Variants in COG7 observed in about 807,000 individuals in gnomAD.
The protein encoded by COG7 is conserved oligomeric Golgi complex subunit 7.
Under a neutral mutation model 91.5 loss-of-function variants are expected in COG7, and 49 were observed. That is an observed-to-expected ratio of 0.54 (90% CI 0.43 to 0.68). The LOEUF is 0.68. Ranked by LOEUF, COG7 falls within the 30% of genes least tolerant of loss-of-function variation. COG7 has a pLI of 0.00. For missense variants in COG7, 895 were observed against 961.3 expected, an observed-to-expected ratio of 0.93 and a Z score of 0.91; for synonymous variants, 365 against 388.7, an observed-to-expected ratio of 0.94 and a Z score of 0.72.
At chr16:23,418,042 C>A (rs937171659) in intron 8 of COG7, among the ~76,000 whole-genome samples, 1 of 152,182 alleles carries the variant, frequency 6.6e-6, no homozygotes, top group Non-Finnish European at 1.5e-5. Context: ...GCATAGTGAA[C>A]CTGCCCCTGC....
At chr16:23,434,762 G>A (rs748234453) in intron 4 of COG7, 44 bp from the exon 5 acceptor site, 9 of 1,417,110 alleles carry the variant, frequency 6.4e-6, no homozygotes, top group Middle Eastern at 1.8e-4. Flanking sequence ...AGCCTTTCTG[G>A]TGTAGACATG....
chr16:23,389,284 G>A (rs1250955078), intron 16 of COG7, among the ~76,000 whole-genome samples, 198 bp from the exon 17 acceptor site: 1 of 151,986 alleles, frequency 6.6e-6, no homozygotes, highest in East Asian at 1.9e-4. Flanking sequence ...TGTGAGCTTG[G>A]CTCGAGTCTA....
chr16:23,451,329 G>C (rs1420905350), intron 1 of COG7, among the ~76,000 whole-genome samples: 1 of 152,120 alleles, frequency 6.6e-6, no homozygotes, highest in African/African-American at 2.4e-5. Flanking sequence ...AACACACAGT[G>C]AATCAACACA....
chr16:23,447,900 A>AAAAT (rs1158993789), intron 1 of COG7, among the ~76,000 whole-genome samples: 10 of 152,020 alleles, frequency 6.6e-5, no homozygotes, highest in South Asian at 2.1e-4. Context: ...CTCCATCTCA[A>AAAAT]AAATAAATAA....
chr16:23,411,784 C>G (rs1963566538), intron 10 of COG7, among the ~76,000 whole-genome samples: 1 of 151,960 alleles, frequency 6.6e-6, no homozygotes, highest in African/African-American at 2.4e-5. Flanking sequence ...TCAGGTAAGA[C>G]ATGAAAGTGG....
rs768464316 is a variant in COG7 at position 23,433,565 on chromosome 16, G to C, written c.790C>G (p.Gln264Glu). ...GTTACCTGTGTAGCCCACTGGATTTGTGTGTGCCAAGCACCAAGCAAGGCA... is the reference window on the plus strand; with the variant it reads ...GTTACCTGTGTAGCCCACTGGATTTCTGTGTGCCAAGCACCAAGCAAGGCA... ...YDALLGAWHT[Q>E]IQWATQVFQK... Residue 264 changes from glutamine (Q) to glutamate (E), a missense_variant, in exon 6 of 17, where the codon CAA (glutamine) becomes GAA (glutamate). By Grantham distance (29) the Gln-to-Glu change is conservative (BLOSUM62 2). Transcript: ENST00000307149. 3 of 1,614,056 alleles carry C rather than the reference G, an allele frequency of 1.9e-6. No individual in the cohort carries two copies. The highest frequency in any genetic ancestry group is 1.1e-5 in the South Asian group (1 of 91,082).
At chr16:23,451,159 C>T (rs911467297) in intron 1 of COG7, among the ~76,000 whole-genome samples, 1 of 152,168 alleles carries the variant, frequency 6.6e-6, no homozygotes, top group East Asian at 1.9e-4. Flanking sequence ...CGCCACTGCA[C>T]TCCAGCCAGG....
At chr16:23,400,158 A>C (rs1470760712) in intron 13 of COG7, among the ~76,000 whole-genome samples, 3 of 152,220 alleles carry the variant, frequency 2.0e-5, no homozygotes, top group Admixed American at 1.3e-4. Flanking sequence ...GAAGTTGCTA[A>C]AAACAGACAA....
At chr16:23,398,022 G>A in intron 14 of COG7, 24 bp downstream of exon 14, 1 of 1,600,598 alleles carries the variant, frequency 6.2e-7, no homozygotes, top group Non-Finnish European at 8.6e-7. Context: ...GGACCACCCT[G>A]GAGAAGCACA....
At chr16:23,390,240 T>A (rs1393488108) in intron 16 of COG7, 1 of 151,494 alleles carries the variant, frequency 6.6e-6, no homozygotes, top group South Asian at 2.1e-4. Context: ...TTCACTCTTG[T>A]TGCCCAGGCT....
chr16:23,441,517 T>C (rs992760439), intron 4 of COG7, among the ~76,000 whole-genome samples: 4 of 152,048 alleles, frequency 2.6e-5, no homozygotes, highest in East Asian at 1.9e-4. Context: ...AGAGGCTGCA[T>C]TGAGCTGAGG....
intron 10 of COG7, among the ~76,000 whole-genome samples, chr16:23,411,375 A>G (rs1179860100): frequency 6.6e-6 from 1 of 152,244 alleles, no homozygotes; most frequent in African/African-American, 2.4e-5. Flanking sequence ...CATCATAAGA[A>G]AAGTTTATGA....
rs139613440 is a variant in COG7 at position 23,409,994 on chromosome 16, G to A, written c.1475+301C>T. On this transcript the variant is annotated intron_variant, in intron 11 of 16. Transcript: ENST00000307149. The stretch of plus-strand genomic sequence containing the variant: ...ACAACTAATTTATAAACAAGCAGTC[G>A]GAACCAAGCCCATTCCTAATTTGGA... Among the ~76,000 whole-genome samples, 639 of 152,234 alleles carry A rather than the reference G, an allele frequency of 4.2e-3. 2 individuals carry two copies. The highest frequency in any genetic ancestry group is 6.9e-3 in the Non-Finnish European group (469 of 68,010).
intron 6 of COG7, among the ~76,000 whole-genome samples, chr16:23,432,501 G>GA (rs951088031): frequency 1.9e-4 from 28 of 150,984 alleles, no homozygotes; most frequent in Non-Finnish European, 3.4e-4. Context: ...AGGGTTTGGA[G>GA]AAAAAAAATA....
chr16:23,393,671 GTAT>G, intron 14 of COG7: 6 of 347,770 alleles, frequency 1.7e-5, no homozygotes, highest in Non-Finnish European at 5.5e-6. Flanking sequence ...GTAAATATAA[GTAT>G]TATTACTGTT....
Position 23,435,139 on chromosome 16 carries a change from G to A in COG7, c.605-421C>T, listed in dbSNP as rs534418237. ...AGCACTTTGGGAGGCTAAGGCAGGCGGATCACCTGAGGTCAGGAGTTCGAG... is the reference window on the plus strand; with the variant it reads ...AGCACTTTGGGAGGCTAAGGCAGGCAGATCACCTGAGGTCAGGAGTTCGAG... On this transcript the variant is annotated intron_variant, in intron 4 of 16. Transcript: ENST00000307149. Among the ~76,000 whole-genome samples, 14 of 152,268 alleles carry A rather than the reference G, an allele frequency of 9.2e-5. 1 individual carries two copies. The South Asian group carries it at 1.7e-3, about 18-fold the overall frequency.
rs946267340 is a variant in COG7 at position 23,428,048 on chromosome 16, G to T, written c.811-3101C>A. Among the ~76,000 whole-genome samples the T allele has an allele frequency of 2.0e-5, 3 of 152,080 alleles. 1 individual carries two copies. Among genetic ancestry groups the T allele is most frequent in the Non-Finnish European group, 4.4e-5 (3 of 67,998 alleles). On this transcript the variant is annotated intron_variant, in intron 6 of 16. Transcript: ENST00000307149. ...AAAAATTAGCCGGGCATGGCAGCAT[G>T]CACCTGCAGTCCCAGCTACTCCAGA...
chr16:23,416,916 A>T, intron 9 of COG7, 51 bp downstream of exon 9: 1 of 1,610,658 alleles, frequency 6.2e-7, no homozygotes, highest in Non-Finnish European at 8.5e-7. Flanking sequence ...TTTATCTGGG[A>T]CAGACACTGC....
rs1596961478 is a variant in COG7, at chr16:23,449,481, T to C, written c.169+3345A>G. On this transcript the variant is annotated intron_variant, in intron 1 of 16. Coordinates refer to ENST00000307149, the MANE Select transcript of COG7 (RefSeq NM_153603.4). Reference sequence around the variant, plus strand: ...CCCACAGTCCAGGCGCAATAGCTCATGCCTGTAATCCCAGCACTTTGGGAG... The same window carrying C: ...CCCACAGTCCAGGCGCAATAGCTCACGCCTGTAATCCCAGCACTTTGGGAG... 2.7e-5 allele frequency among the ~76,000 whole-genome samples: 4 copies of C among 149,852 alleles called. No individual in the cohort carries two copies. In the South Asian group the frequency reaches 8.5e-4, roughly 32 times the overall value.
Sources: gnomAD v4.1 joint callset for allele counts (sites outside exome capture counted in the v4.1 genomes callset) on GRCh38, gnomAD v4.1.1 for gene constraint, MANE v1.5 for transcripts, NCBI Gene and HGNC (gene_info 2026-07-23, HGNC 2026-07-21) for gene names.